Variants in HTR2C observed in about 807,000 individuals in gnomAD.
HTR2C encodes the protein 5-hydroxytryptamine (serotonin) receptor 2C, G protein-coupled.
A neutral mutation model predicts 21.0 loss-of-function variants in HTR2C; 5 were observed. The ratio of observed to expected loss-of-function variants is 0.24; its 90% CI spans 0.12 to 0.50. The LOEUF is 0.50. Among genes scored for constraint, HTR2C ranks in the 20% least tolerant of loss-of-function variants. The pLI is 0.98. For missense variants in HTR2C, 271 were observed against 371.2 expected, an observed-to-expected ratio of 0.73 and a Z score of 2.22; for synonymous variants, 150 against 145.3, an observed-to-expected ratio of 1.03 and a Z score of -0.23.
chrX:114,734,564 T>TAAAAAAAAAAAAAA (rs61672860), intron 4 of HTR2C, among the ~76,000 whole-genome samples: 20 of 34,300 alleles, frequency 5.8e-4, no homozygotes, highest in African/African-American at 2.4e-3. Flanking sequence ...GCCTTACATG[T>TAAAAAAAAAAAAAA]AAAAAAAAAA....
At chrX:114,864,900 C>CTTTTTT (rs71947180) in intron 5 of HTR2C, among the ~76,000 whole-genome samples, 2 of 84,725 alleles carry the variant, frequency 2.4e-5, no homozygotes, top group African/African-American at 8.1e-5. Flanking sequence ...TTTTCTTTTT[C>CTTTTTT]TTTTTTTTTT....
chrX:114,868,199 T>G (rs1331096302), intron 5 of HTR2C, among the ~76,000 whole-genome samples: 2 of 111,133 alleles, frequency 1.8e-5, no homozygotes, highest in African/African-American at 3.3e-5. Flanking sequence ...TGTTTTATAG[T>G]TTTCATTATA....
At chrX:114,861,804 C>T (rs1186167747) in intron 5 of HTR2C, among the ~76,000 whole-genome samples, 1 of 111,074 alleles carries the variant, frequency 9.0e-6, no homozygotes, top group African/African-American at 3.3e-5. Context: ...CTATTCTTGT[C>T]TTTTTTCTAA....
intron 4 of HTR2C, among the ~76,000 whole-genome samples, chrX:114,796,585 C>T (rs180698256): frequency 9.0e-6 from 1 of 111,726 alleles, no homozygotes. Context: ...GCAGAGGAGG[C>T]AAACTGCATT....
chrX:114,902,847 G>T (rs188711743), intron 5 of HTR2C, among the ~76,000 whole-genome samples: 7 of 111,579 alleles, frequency 6.3e-5, no homozygotes, highest in Admixed American at 3.8e-4. Flanking sequence ...CTGACTTCAG[G>T]TGACCTGCCC....
intron 5 of HTR2C, among the ~76,000 whole-genome samples, chrX:114,893,272 A>G (rs1488953101): frequency 9.0e-6 from 1 of 111,327 alleles, no homozygotes; most frequent in Non-Finnish European, 1.9e-5. Context: ...TAATTTTGAA[A>G]AAAAATCTAG....
chrX:114,606,386 G>A (rs782819161), intron 1 of HTR2C, among the ~76,000 whole-genome samples: 16 of 111,777 alleles, frequency 1.4e-4, no homozygotes, highest in East Asian at 2.8e-4. Flanking sequence ...GCGTCCCTGC[G>A]TGGTCTGACA....
intron 4 of HTR2C, chrX:114,775,937 A>G: frequency 2.7e-6 from 1 of 373,666 alleles, no homozygotes; most frequent in Admixed American, 4.3e-5. Flanking sequence ...ATCGACCTCA[A>G]TACTGGCCTG....
At chrX:114,661,453 G>A (rs781783674) in intron 2 of HTR2C, among the ~76,000 whole-genome samples, 15 of 110,323 alleles carry the variant, frequency 1.4e-4, no homozygotes, top group Non-Finnish European at 2.6e-4. Flanking sequence ...AAAGGAACAC[G>A]TTTTAAGGGA....
chrX:114,615,993 T>A (rs1556400120), intron 2 of HTR2C, among the ~76,000 whole-genome samples: 1 of 112,174 alleles, frequency 8.9e-6, no homozygotes, highest in Non-Finnish European at 1.9e-5. Flanking sequence ...AATCTCATCA[T>A]GTAGGTATGT....
chrX:114,661,859 T>TA (rs1931002005), intron 2 of HTR2C, among the ~76,000 whole-genome samples: 2 of 111,876 alleles, frequency 1.8e-5, no homozygotes, highest in Non-Finnish European at 3.8e-5. Flanking sequence ...TTACGTTTCC[T>TA]AGGTCCCACT....
intron 1 of HTR2C, among the ~76,000 whole-genome samples, chrX:114,597,332 T>G (rs1028499409): frequency 1.8e-5 from 2 of 110,364 alleles, no homozygotes; most frequent in Non-Finnish European, 3.8e-5. Context: ...GTCACAAAAC[T>G]GTCAAGGGAG....
chrX:114,721,994 G>A (rs373761798), intron 2 of HTR2C, among the ~76,000 whole-genome samples: 2 of 108,640 alleles, frequency 1.8e-5, no homozygotes, highest in African/African-American at 3.4e-5. Context: ...TTGACTTGGC[G>A]ATGCAGGCTC....
chrX:114,645,083 C>T (rs1930312508), intron 2 of HTR2C, among the ~76,000 whole-genome samples: 1 of 110,928 alleles, frequency 9.0e-6, no homozygotes, highest in Non-Finnish European at 1.9e-5. Context: ...GGCAGCATTT[C>T]ATACCTCTAT....
At chrX:114,800,816 CTT>C (rs2070338661) in intron 4 of HTR2C, among the ~76,000 whole-genome samples, 1 of 110,785 alleles carries the variant, frequency 9.0e-6, no homozygotes, top group Non-Finnish European at 1.9e-5. Context: ...TATATACTGA[CTT>C]ATCCCATAGG....
At position 114,848,016 on chromosome X, in the gene HTR2C, A is replaced by G. The variant is rs782316727; in HGVS notation, c.363A>G (p.Pro121=). The part of the protein sequence containing the change: ...LLAILYDYVW[P]LPRYLCPVWI... ...GTTCTCTTTCAGATTATGTCTGGCC[A>G]CTACCTAGATATTTGTGCCCCGTCT... The change falls in exon 5 of 6, where the codon CCA becomes CCG. Residue 121 remains proline (P), a synonymous_variant. Transcript: ENST00000276198. The G allele has an allele frequency of 1.2e-5, 14 of 1,206,177 alleles. No individual in the cohort carries two copies. The highest frequency in any genetic ancestry group is 1.7e-5 in the African/African-American group (1 of 57,770).
At chrX:114,853,895 T>C (rs2070938692) in intron 5 of HTR2C, among the ~76,000 whole-genome samples, 1 of 111,718 alleles carries the variant, frequency 9.0e-6, no homozygotes, top group Non-Finnish European at 1.9e-5. Flanking sequence ...GACAGGGATC[T>C]CCTTAAATTT....
At chrX:114,817,205 G>A (rs1439812251) in intron 4 of HTR2C, among the ~76,000 whole-genome samples, 1 of 110,590 alleles carries the variant, frequency 9.0e-6, no homozygotes, top group Non-Finnish European at 1.9e-5. Flanking sequence ...CCTATATACT[G>A]GAAAATGAAT....
chrX:114,796,637 C>A (rs1427109110), intron 4 of HTR2C, among the ~76,000 whole-genome samples: 1 of 111,717 alleles, frequency 9.0e-6, no homozygotes, highest in African/African-American at 3.2e-5. Context: ...CACCACAGGG[C>A]CATCTAATAA....
Sources: gnomAD v4.1 joint callset for allele counts (sites outside exome capture counted in the v4.1 genomes callset) on GRCh38, gnomAD v4.1.1 for gene constraint, MANE v1.5 for transcripts, NCBI Gene and HGNC (gene_info 2026-07-23, HGNC 2026-07-21) for gene names.